TRPM8: variants seen among roughly 807,000 people sequenced by gnomAD.
TRPM8 encodes TRPM8 cationic channel.
A neutral mutation model predicts 133.7 loss-of-function variants in TRPM8; 110 were observed. The observed-to-expected ratio is 0.82, with a 90% CI of 0.70 to 0.96. The LOEUF (loss-of-function observed/expected upper bound fraction) is 0.96. TRPM8 is among the 40% of genes least tolerant of loss of function. The pLI is 0.00. For missense variants in TRPM8, 1,291 were observed against 1,379.5 expected, an observed-to-expected ratio of 0.94 and a Z score of 1.02; for synonymous variants, 535 against 532.3, an observed-to-expected ratio of 1.01 and a Z score of -0.07.
intron 12 of TRPM8, among the ~76,000 whole-genome samples, chr2:233,961,367 C>T (rs1353966454): frequency 6.6e-6 from 1 of 151,984 alleles, no homozygotes; most frequent in African/African-American, 2.4e-5. Flanking sequence ...GTGCAGTGGC[C>T]GAATCTCAGC....
chr2:233,971,677 G>A (rs968389521), intron 17 of TRPM8, among the ~76,000 whole-genome samples: 14 of 152,080 alleles, frequency 9.2e-5, no homozygotes, highest in African/African-American at 1.9e-4. Context: ...GGATGTGTTC[G>A]GAGTTTCTTC....
chr2:233,930,078 T>C (rs2125052120), intron 2 of TRPM8, among the ~76,000 whole-genome samples: 1 of 152,382 alleles, frequency 6.6e-6, no homozygotes, highest in African/African-American at 2.4e-5. Flanking sequence ...TCATACATGA[T>C]GCAAATACCT....
chr2:233,974,431 A>G (rs946811892), intron 17 of TRPM8, among the ~76,000 whole-genome samples: 1 of 152,022 alleles, frequency 6.6e-6, no homozygotes, highest in Non-Finnish European at 1.5e-5. Flanking sequence ...ACGGGGTTTC[A>G]CCATGTTGGC....
chr2:233,988,390 A>G (rs1488649066), intron 21 of TRPM8, among the ~76,000 whole-genome samples: 2 of 152,094 alleles, frequency 1.3e-5, no homozygotes, highest in African/African-American at 2.4e-5. Context: ...TTTTACTTGC[A>G]TGGTAACAAC....
rs202030544 is a variant in TRPM8 at position 233,970,187 on chromosome 2, G to T, written c.2139-23G>T. ...GTCCCATGCTTGCAAGGATGCTGACGATGCCCTTATCTCTGGGTCCAGGAA... is the reference window on the plus strand; with the variant it reads ...GTCCCATGCTTGCAAGGATGCTGACTATGCCCTTATCTCTGGGTCCAGGAA... On this transcript the variant is annotated intron_variant, in intron 16 of 25. Transcript: ENST00000324695. 8 of 1,608,708 alleles carry T rather than the reference G, an allele frequency of 5.0e-6. No homozygotes were observed. In the African/African-American group the frequency reaches 1.1e-4, roughly 22 times the overall value.
intron 9 of TRPM8, among the ~76,000 whole-genome samples, chr2:233,953,123 C>G (rs1486915894): frequency 2.6e-5 from 4 of 152,198 alleles, no homozygotes; most frequent in South Asian, 2.1e-4. Context: ...CCATCACCAC[C>G]TTTCCCAGGC....
intron 6 of TRPM8, among the ~76,000 whole-genome samples, chr2:233,945,172 C>A (rs532151294): frequency 6.6e-6 from 1 of 152,264 alleles, no homozygotes; most frequent in Non-Finnish European, 1.5e-5. Flanking sequence ...GATTGAAACA[C>A]CTTTTAATGC....
intron 20 of TRPM8, 34 bp downstream of exon 20, chr2:233,983,258 G>A (rs1692058293): frequency 1.9e-6 from 3 of 1,613,526 alleles, no homozygotes; most frequent in Non-Finnish European, 2.5e-6. Flanking sequence ...GAAACAGCTT[G>A]GAGGAGGCAT....
At chr2:233,942,404 C>G (rs1411870195) in intron 5 of TRPM8, among the ~76,000 whole-genome samples, 172 bp from the exon 6 acceptor site, 1 of 152,134 alleles carries the variant, frequency 6.6e-6, no homozygotes, top group Non-Finnish European at 1.5e-5. Context: ...AAGTGAACAC[C>G]TCTCAGGAGA....
In TRPM8 at chr2:233,996,394, A is replaced by G. The variant is rs1692403626; in HGVS notation, c.3008A>G (p.Gln1003Arg). 1 of 1,614,214 alleles carries G rather than the reference A, an allele frequency of 6.2e-7. No individual in the cohort carries two copies. Among genetic ancestry groups the G allele is most frequent in the Non-Finnish European group, 8.5e-7 (1 of 1,180,026 alleles). ...AAGTTCCAGAGGTACTTCCTGGTGC[A>G]GGAGTACTGCAGCCGCCTCAATATC... ...VWKFQRYFLV[Q>R]EYCSRLNIPF... Residue 1003 changes from glutamine (Q) to arginine (R), a missense_variant, in exon 22 of 26, where the codon CAG becomes CGG. By Grantham distance (43) the Gln-to-Arg change is conservative (BLOSUM62 1). Coordinates refer to ENST00000324695, the MANE Select transcript of TRPM8 (RefSeq NM_024080.5).
rs1692137246 is a variant in TRPM8 at position 233,985,869 on chromosome 2, T to C, written c.2939+4T>C. On this transcript the variant is annotated splice_donor_region_variant and intron_variant, in intron 21 of 25. Transcript: ENST00000324695. ...ACCTGCTGGTCGCCATGTTTGGGTA[T>C]GTGTTCAGTCACATGTTCACTGATG... 6.2e-7 allele frequency: 1 copy of C among 1,609,676 alleles called. No homozygotes were observed. Among genetic ancestry groups the C allele is most frequent in the South Asian group, 1.1e-5 (1 of 90,354 alleles).
At chr2:233,979,402 A>G (rs1389709539) in intron 17 of TRPM8, among the ~76,000 whole-genome samples, 12 of 152,186 alleles carry the variant, frequency 7.9e-5, no homozygotes, top group Admixed American at 7.8e-4. Context: ...TTGGAATTCC[A>G]TGTGCTCTCT....
chr2:233,987,963 A>G (rs926695383), intron 21 of TRPM8, among the ~76,000 whole-genome samples: 3 of 146,888 alleles, frequency 2.0e-5, no homozygotes, highest in African/African-American at 5.0e-5. Context: ...CTGTGAGTCC[A>G]TTAAACCTCT....
intron 15 of TRPM8, 48 bp downstream of exon 15, chr2:233,966,803 T>C: frequency 6.8e-7 from 1 of 1,465,630 alleles, no homozygotes. Flanking sequence ...ATGGGGCTTT[T>C]ATGTCAGATG....
Position 233,980,234 on chromosome 2 carries a change from T to G in TRPM8, c.2402T>G (p.Met801Arg). 1 of 1,604,712 alleles carries G rather than the reference T, an allele frequency of 6.2e-7. No homozygotes were observed. The highest frequency in any genetic ancestry group is 8.5e-7 in the Non-Finnish European group (1 of 1,177,094). The stretch of plus-strand genomic sequence containing the variant: ...TATTTTACTGACCTGTGGAATGTGA[T>G]GGACACGCTGGGGCTTTTTTACTTC... ...VNYFTDLWNVMDTLGLFYFIA... is the reference protein window; with the variant it reads ...VNYFTDLWNVRDTLGLFYFIA... The change falls in exon 18 of 26, where the codon ATG becomes AGG. Residue 801 changes from methionine (M) to arginine (R), a missense_variant. Physicochemically the swap from Met to Arg is moderately conservative, Grantham distance 91. Transcript: ENST00000324695.
intron 12 of TRPM8, 110 bp from the exon 13 acceptor site, chr2:233,963,172 G>A: frequency 1.7e-6 from 1 of 602,940 alleles, no homozygotes; most frequent in South Asian, 2.7e-5. Context: ...TGAGAATGGA[G>A]TCATGCACAA....
chr2:233,972,630 G>T (rs1048984578), intron 17 of TRPM8, among the ~76,000 whole-genome samples: 4 of 152,216 alleles, frequency 2.6e-5, no homozygotes, highest in Non-Finnish European at 5.9e-5. Flanking sequence ...AGGCAGCTAC[G>T]GCCCGGTGAG....
chr2:233,939,145 A>T lies in TRPM8; in HGVS notation c.496A>T (p.Ser166Cys). The T allele has an allele frequency of 6.2e-7, 1 of 1,614,128 alleles. No individual in the cohort carries two copies. Among genetic ancestry groups the T allele is most frequent in the Non-Finnish European group, 8.5e-7 (1 of 1,180,032 alleles). Residue 166 changes from serine to cysteine, a missense_variant, in exon 5 of 26, where the codon AGC becomes TGC. This residue lies in a region of TRPM8 where 963 missense variants were observed against 968.9 expected (regional missense o/e 0.99). Coordinates refer to ENST00000324695, the MANE Select transcript of TRPM8 (RefSeq NM_024080.5). Reference protein sequence around the residue: ...ALKPRMRKIFSRLIYIAQSKG... With the variant: ...ALKPRMRKIFCRLIYIAQSKG... ...GAAGCCGCGCATGCGCAAGATCTTC[A>T]GCCGGCTCATCTACATCGCGCAGTC...
At chr2:233,971,868 C>T (rs944302347) in intron 17 of TRPM8, among the ~76,000 whole-genome samples, 1 of 147,012 alleles carries the variant, frequency 6.8e-6, no homozygotes, top group Admixed American at 6.6e-5. Context: ...CCACTGCTGG[C>T]TCGCGCAGCC....
Sources: gnomAD v4.1 joint callset for allele counts (sites outside exome capture counted in the v4.1 genomes callset) on GRCh38, gnomAD v4.1.1 for gene constraint, gnomAD v4.1.1 regional missense constraint, MANE v1.5 for transcripts, NCBI Gene and HGNC (gene_info 2026-07-23, HGNC 2026-07-21) for gene names.